Variants in NOSTRIN observed in about 807,000 individuals in gnomAD.
NOSTRIN encodes the protein nitric oxide synthase trafficking.
A neutral mutation model predicts 59.0 loss-of-function variants in NOSTRIN; 63 were observed. That is an observed-to-expected ratio of 1.07 (90% CI 0.87 to 1.32). NOSTRIN has a LOEUF of 1.32. NOSTRIN is among the 40% of genes most tolerant of loss of function. The pLI, the probability that NOSTRIN is intolerant of heterozygous loss-of-function variation, is 0.00. For missense variants in NOSTRIN, 512 were observed against 473.1 expected, an observed-to-expected ratio of 1.08 and a Z score of -0.76; for synonymous variants, 200 against 165.4, an observed-to-expected ratio of 1.21 and a Z score of -1.61.
In NOSTRIN at chr2:168,824,727, G is replaced by A; in HGVS notation, c.197+10G>A. Reference sequence around the variant, plus strand: ...AGAACACGAGAAAAAGGTAAGTATTGTGGCAGAGGTAAGGCAAAATCAACC... The same window carrying A: ...AGAACACGAGAAAAAGGTAAGTATTATGGCAGAGGTAAGGCAAAATCAACC... On this transcript the variant is annotated intron_variant, in intron 3 of 15. Coordinates refer to ENST00000317647, the MANE Select transcript of NOSTRIN (RefSeq NM_001039724.4). The A allele has an allele frequency of 1.1e-6, 1 of 872,006 alleles. No individual in the cohort carries two copies. The highest frequency in any genetic ancestry group is 2.0e-6 in the Non-Finnish European group (1 of 501,132). 54.0% of individuals were successfully genotyped at this position (872,006 alleles called of 1,614,324 possible). A position where few individuals can be genotyped will look rare whatever the true frequency, so the allele number is the denominator to read the frequency against.
intron 6 of NOSTRIN, among the ~76,000 whole-genome samples, chr2:168,832,921 C>G (rs1687450790): frequency 1.3e-5 from 2 of 152,198 alleles, no homozygotes; most frequent in Admixed American, 6.5e-5. Flanking sequence ...TACACCTGGC[C>G]TTTAAAAGGA....
chr2:168,797,807 G>A (rs1685526099), upstream of NOSTRIN, among the ~76,000 whole-genome samples: 1 of 152,144 alleles, frequency 6.6e-6, no homozygotes, highest in South Asian at 2.1e-4. Context: ...GTGAGACCCT[G>A]TCTCTACCTT....
Position 168,859,558 on chromosome 2 carries a change from C to A in NOSTRIN, c.1100C>A (p.Ser367Ter). The stretch of plus-strand genomic sequence containing the variant: ...TTGGAAGCGAACTCCTACAAACTGT[C>A]ATCAATGTTAGCAGAACTTGAGCAA... ...DLLEANSYKL[S>*]SMLAELEQRP... The change falls in exon 13 of 16, where the codon TCA (serine) becomes TAA (stop). Residue 367 changes from serine (S) to a stop codon, truncating the protein, a stop_gained. Transcript: ENST00000317647. LOFTEE classifies it high-confidence loss of function. 1 of 1,614,140 alleles carries A rather than the reference C, an allele frequency of 6.2e-7. No individual in the cohort carries two copies.
At position 168,864,895 on chromosome 2, in the gene NOSTRIN, G is replaced by T. The variant is rs373131496; in HGVS notation, c.1446G>T (p.Gly482=). ...GATGGTGGTTTGGATCTTTGAATGG[G>T]AAAAAAGGCCATTTTCCTGCCGCTT... The part of the protein sequence containing the change: ...EGGWWFGSLN[G]KKGHFPAAYV... Residue 482 remains glycine (G), a synonymous_variant, in exon 16 of 16, where the codon GGG becomes GGT. Coordinates refer to ENST00000317647, the MANE Select transcript of NOSTRIN (RefSeq NM_001039724.4). 6 of 1,613,862 alleles carry T rather than the reference G, an allele frequency of 3.7e-6. No individual in the cohort carries two copies. The highest frequency in any genetic ancestry group is 5.1e-6 in the Non-Finnish European group (6 of 1,179,894).
At chr2:168,816,256 G>C (rs1182206979) in intron 2 of NOSTRIN, among the ~76,000 whole-genome samples, 1 of 152,198 alleles carries the variant, frequency 6.6e-6, no homozygotes, top group Non-Finnish European at 1.5e-5. Context: ...CTGAGGCCCT[G>C]TGCCTGTCTT....
At chr2:168,791,386 C>G (rs914403270) in intron 2 of NOSTRIN, among the ~76,000 whole-genome samples, 4 of 152,178 alleles carry the variant, frequency 2.6e-5, no homozygotes, top group African/African-American at 9.7e-5. Flanking sequence ...TTAATCCAGT[C>G]TATCATTGTT....
chr2:168,821,936 C>T (rs549041758), intron 2 of NOSTRIN, among the ~76,000 whole-genome samples: 21 of 152,304 alleles, frequency 1.4e-4, no homozygotes, highest in African/African-American at 4.6e-4. Flanking sequence ...TAGACTTGGG[C>T]TCTCAACACA....
chr2:168,804,899 A>AT (rs771874331), intron 1 of NOSTRIN, among the ~76,000 whole-genome samples: 1 of 152,214 alleles, frequency 6.6e-6, no homozygotes, highest in African/African-American at 2.4e-5. Flanking sequence ...AAAATCAGAA[A>AT]TTTTATGATA....
chr2:168,863,860 G>C (rs542553527), intron 15 of NOSTRIN, among the ~76,000 whole-genome samples: 1 of 152,056 alleles, frequency 6.6e-6, no homozygotes, highest in Admixed American at 6.6e-5. Flanking sequence ...CAGCTACATA[G>C]AAATAGAAAG....
rs1282507377 is a variant in NOSTRIN at position 168,843,132 on chromosome 2, C to A, written c.630+15C>A. 1 of 859,750 alleles carries A rather than the reference C, an allele frequency of 1.2e-6. No homozygotes were observed. Among genetic ancestry groups the A allele is most frequent in the Non-Finnish European group, 2.0e-6 (1 of 496,134 alleles). The allele number at this position is 859,750 out of a possible 1,614,324, so 53.3% of individuals were successfully genotyped here. On this transcript the variant is annotated intron_variant, in intron 8 of 15. Coordinates refer to ENST00000317647, the MANE Select transcript of NOSTRIN (RefSeq NM_001039724.4). ...ACTGCTACCAGGTAAGTTATATATT[C>A]ACATTTTTTTCTTCTTCTGTGGAGC...
In NOSTRIN at chr2:168,859,637, G is replaced by A; in HGVS notation, c.1179G>A (p.Lys393=). 6.2e-7 allele frequency: 1 copy of A among 1,613,902 alleles called. No individual in the cohort carries two copies. Among genetic ancestry groups the A allele is most frequent in the African/African-American group, 1.3e-5 (1 of 75,040 alleles). The change falls in exon 13 of 16, where the codon AAG becomes AAA. Residue 393 remains lysine, a splice_region_variant and synonymous_variant. Transcript: ENST00000317647. ...CSNSIFRWRE[K]EHTHSYVKIS... Reference sequence around the variant, plus strand: ...ATTCCATCTTCAGGTGGAGGGAAAAGGTAACATTTAAGGAGACTGGTTGTA... The same window carrying A: ...ATTCCATCTTCAGGTGGAGGGAAAAAGTAACATTTAAGGAGACTGGTTGTA...
chr2:168,790,033 T>C (rs906159038), intron 2 of NOSTRIN, among the ~76,000 whole-genome samples: 1 of 152,224 alleles, frequency 6.6e-6, no homozygotes, highest in African/African-American at 2.4e-5. Flanking sequence ...CCCAGCCAGA[T>C]CGAGTTAGCT....
At chr2:168,812,847 G>A (rs982106082) in intron 2 of NOSTRIN, among the ~76,000 whole-genome samples, 2 of 152,118 alleles carry the variant, frequency 1.3e-5, no homozygotes, top group East Asian at 1.9e-4. Context: ...TCAACAACCC[G>A]CAGCATTTTT....
At chr2:168,800,281 A>G (rs79364616), upstream of NOSTRIN, among the ~76,000 whole-genome samples, 62 of 152,336 alleles carry the variant, frequency 4.1e-4, no homozygotes, top group African/African-American at 1.4e-3. Flanking sequence ...TGTGAACCAA[A>G]TAAAGTCTCT....
intron 7 of NOSTRIN, among the ~76,000 whole-genome samples, chr2:168,840,981 G>A (rs1688061724): frequency 2.6e-5 from 4 of 151,972 alleles, no homozygotes; most frequent in Admixed American, 1.3e-4. Flanking sequence ...GGCTGGGTGC[G>A]ATGGCCCACA....
chr2:168,832,869 A>G (rs916765166), intron 6 of NOSTRIN, among the ~76,000 whole-genome samples: 1 of 152,118 alleles, frequency 6.6e-6, no homozygotes, highest in African/African-American at 2.4e-5. Flanking sequence ...GGATCTGCCC[A>G]CCTTGGCTTC....
intron 10 of NOSTRIN, among the ~76,000 whole-genome samples, chr2:168,854,787 G>A (rs1377877385): frequency 2.0e-5 from 3 of 152,058 alleles, no homozygotes; most frequent in Non-Finnish European, 4.4e-5. Context: ...GGTGTCTGTA[G>A]CATTCGTGAA....
intron 7 of NOSTRIN, among the ~76,000 whole-genome samples, chr2:168,839,377 C>A (rs956587659): frequency 3.3e-5 from 5 of 152,030 alleles, no homozygotes; most frequent in African/African-American, 1.2e-4. Context: ...TCCAGTGGTA[C>A]CTACATAACT....
chr2:168,808,907 G>GA (rs987259682), intron 1 of NOSTRIN, among the ~76,000 whole-genome samples: 5 of 151,948 alleles, frequency 3.3e-5, no homozygotes, highest in Non-Finnish European at 7.4e-5. Context: ...TTATGAAAAG[G>GA]AAAAAAATAG....
Sources: gnomAD v4.1 joint callset for allele counts (sites outside exome capture counted in the v4.1 genomes callset) on GRCh38, gnomAD v4.1.1 for gene constraint, MANE v1.5 for transcripts, NCBI Gene and HGNC (gene_info 2026-07-23, HGNC 2026-07-21) for gene names.